Variants in TSHZ1 observed in about 807,000 individuals in gnomAD.
The protein encoded by TSHZ1 is teashirt zinc finger homeobox 1.
In TSHZ1, 12 loss-of-function variants were observed where a neutral mutation model predicts 67.1. The observed-to-expected ratio is 0.18, with a 90% CI of 0.11 to 0.29. The LOEUF is 0.29. TSHZ1 is among the 10% of genes least tolerant of loss of function. The pLI, the probability that TSHZ1 is intolerant of heterozygous loss-of-function variation, is 1.00. For synonymous variants in TSHZ1, 632 were observed against 622.4 expected (o/e 1.02, Z -0.23); for missense variants, 1,305 against 1,413.9 (o/e 0.92, Z 1.23).
At chr18:75,262,513 A>C (rs570393621) in intron 1 of TSHZ1, among the ~76,000 whole-genome samples, 16 of 152,346 alleles carry the variant, frequency 1.1e-4, no homozygotes, top group Non-Finnish European at 1.8e-4. Context: ...GTAAATCGTC[A>C]ATTGGCCTCT....
chr18:75,245,606 T>G (rs1225532786), intron 1 of TSHZ1, among the ~76,000 whole-genome samples: 1 of 152,168 alleles, frequency 6.6e-6, no homozygotes, highest in Non-Finnish European at 1.5e-5. Context: ...ACTGCCAGAT[T>G]TTTAGTTTCT....
At chr18:75,252,965 G>C (rs1432866759) in intron 1 of TSHZ1, among the ~76,000 whole-genome samples, 1 of 151,726 alleles carries the variant, frequency 6.6e-6, no homozygotes, top group East Asian at 1.9e-4. Context: ...TCACACCTTG[G>C]GTAATTTGAC....
rs78626781 is a variant in TSHZ1 at position 75,287,756 on chromosome 18, C to T, written c.2349C>T (p.Asp783=). The change falls in exon 2 of 2, where the codon GAC becomes GAT. Residue 783 remains aspartate, a synonymous_variant. Coordinates refer to ENST00000580243, the MANE Select transcript of TSHZ1 (RefSeq NM_001308210.2). The surrounding 1 kb of genome is among the most constrained non-coding windows in gnomAD (Gnocchi z 5.0). ...ACAAGATCAGCAACAGCATGCTGGA[C>T]AAGCCGGTGTACCCCGCCACCCCTG... The part of the protein sequence containing the change: ...MLYKISNSML[D]KPVYPATPVK... 2 of 1,608,904 alleles carry T rather than the reference C, an allele frequency of 1.2e-6. No individual in the cohort carries two copies. The highest frequency in any genetic ancestry group is 1.7e-6 in the Non-Finnish European group (2 of 1,178,650).
At chr18:75,278,621 A>G (rs921931602) in intron 1 of TSHZ1, among the ~76,000 whole-genome samples, 7 of 151,884 alleles carry the variant, frequency 4.6e-5, no homozygotes, top group African/African-American at 1.7e-4. Context: ...CGCACCGTGA[A>G]AGACCGGGGG....
At chr18:75,236,058 C>A (rs907760408) in intron 1 of TSHZ1, among the ~76,000 whole-genome samples, 1 of 151,944 alleles carries the variant, frequency 6.6e-6, no homozygotes, top group Non-Finnish European at 1.5e-5. Context: ...AGGAAGCATG[C>A]GTGACAGGAA....
In TSHZ1 at chr18:75,281,828, G is replaced by A. The variant is rs559477613; in HGVS notation, c.41-3620G>A. On this transcript the variant is annotated intron_variant, in intron 1 of 1. Transcript: ENST00000580243. This position sits in a 1 kb window ranked among gnomAD's most constrained non-coding sequence, Gnocchi z 5.3. ...TCTGGAAGGGGGGCATGCTAGGTGC[G>A]GGCAGGGAGAGCCCGAACCTGTGGG... Among the ~76,000 whole-genome samples the A allele has an allele frequency of 2.0e-5, 3 of 152,192 alleles. No homozygotes were observed. The highest frequency in any genetic ancestry group is 3.9e-4 in the East Asian group (2 of 5,156).
intron 1 of TSHZ1, among the ~76,000 whole-genome samples, chr18:75,246,436 G>GTGTGTGTGTGTGTGTGTA: frequency 6.6e-6 from 1 of 150,750 alleles, no homozygotes; most frequent in South Asian, 2.1e-4. Context: ...GTGTGTGTGT[G>GTGTGTGTGTGTGTGTGTA]TGTGTGTGTC....
Position 75,288,091 on chromosome 18 carries a change from A to G in TSHZ1, c.2684A>G (p.Gln895Arg), listed in dbSNP as rs1252084475. 3 of 1,613,500 alleles carry G rather than the reference A, an allele frequency of 1.9e-6. No individual in the cohort carries two copies. The East Asian group carries it at 6.7e-5, about 36-fold the overall frequency. ...RKGRQSNWNPQHLLILQAQFA... is the reference protein window; with the variant it reads ...RKGRQSNWNPRHLLILQAQFA... Reference sequence around the variant, plus strand: ...GGCCGGCAGTCCAACTGGAACCCGCAGCACCTTCTCATCCTGCAGGCCCAG... The same window carrying G: ...GGCCGGCAGTCCAACTGGAACCCGCGGCACCTTCTCATCCTGCAGGCCCAG... Residue 895 changes from glutamine to arginine, a missense_variant, in exon 2 of 2, where the codon CAG (glutamine) becomes CGG (arginine). This residue lies in a region of TSHZ1 where 909 missense variants were observed against 961.8 expected (regional missense o/e 0.95). Transcript: ENST00000580243. This position sits in a 1 kb window ranked among gnomAD's most constrained non-coding sequence, Gnocchi z 4.9.
intron 1 of TSHZ1, among the ~76,000 whole-genome samples, chr18:75,257,642 G>T (rs2023377339): frequency 6.6e-6 from 1 of 151,914 alleles, no homozygotes; most frequent in Non-Finnish European, 1.5e-5. Context: ...GCTGGTGTCT[G>T]CAGATGAACT....
chr18:75,278,354 G>A lies in TSHZ1; in HGVS notation c.41-7094G>A, dbSNP rs545318726. Among the ~76,000 whole-genome samples, 3 of 152,318 alleles carry A rather than the reference G, an allele frequency of 2.0e-5. No homozygotes were observed. The East Asian group carries it at 5.8e-4, about 29-fold the overall frequency. ...CAAGCACTCCTTCCTTGCCTAGTAC[G>A]GAGGCCAAGGTGCTGGGTTGCTCCT... On this transcript the variant is annotated intron_variant, in intron 1 of 1. Transcript: ENST00000580243.
At chr18:75,269,783 C>T (rs2023535560) in intron 1 of TSHZ1, among the ~76,000 whole-genome samples, 1 of 152,160 alleles carries the variant, frequency 6.6e-6, no homozygotes, top group African/African-American at 2.4e-5. Context: ...AACTGAAACT[C>T]GGTACCCATT....
In TSHZ1 at chr18:75,288,425, T is replaced by C. The variant is rs755831174; in HGVS notation, c.3018T>C (p.Asn1006=). The change falls in exon 2 of 2, where the codon AAT becomes AAC. Residue 1006 remains asparagine (N), a synonymous_variant. Transcript: ENST00000580243. This position sits in a 1 kb window ranked among gnomAD's most constrained non-coding sequence, Gnocchi z 4.9. ...SLKDLSKLPL[N]QIQEQQNVSK... ...AGGATCTCTCCAAGCTGCCACTCAATCAGATTCAAGAACAGCAGAATGTTT... is the reference window on the plus strand; with the variant it reads ...AGGATCTCTCCAAGCTGCCACTCAACCAGATTCAAGAACAGCAGAATGTTT... 1.2e-6 allele frequency: 2 copies of C among 1,614,172 alleles called. No homozygotes were observed. The highest frequency in any genetic ancestry group is 4.5e-5 in the East Asian group (2 of 44,876).
At chr18:75,264,442 A>G (rs892260980) in intron 1 of TSHZ1, among the ~76,000 whole-genome samples, 6 of 150,724 alleles carry the variant, frequency 4.0e-5, no homozygotes, top group African/African-American at 1.5e-4. Flanking sequence ...CTGTTCATCA[A>G]CCTCATGCTT....
chr18:75,276,431 A>C (rs965562104), intron 1 of TSHZ1, among the ~76,000 whole-genome samples: 2 of 152,144 alleles, frequency 1.3e-5, no homozygotes, highest in Non-Finnish European at 2.9e-5. Flanking sequence ...CCTGATGAGG[A>C]AGGGCCACAC....
chr18:75,247,838 A>G (rs1246571100), intron 1 of TSHZ1, among the ~76,000 whole-genome samples: 1 of 146,350 alleles, frequency 6.8e-6, no homozygotes, highest in Admixed American at 6.8e-5. Flanking sequence ...TTGTTGCTGT[A>G]TTTATTTGAA....
Position 75,211,083 on chromosome 18 carries a change from GTGTT to G in TSHZ1, c.-791_-788del, listed in dbSNP as rs2022674418. ...CCGGCCAAAAATCCATGATCAAAATGTGTTTGCATTAGATTTCGCATTGGAAGAA... is the reference window on the plus strand; with the variant it reads ...CCGGCCAAAAATCCATGATCAAAATGTGCATTAGATTTCGCATTGGAAGAA... On this transcript the variant is annotated 5_prime_UTR_variant, in exon 1 of 2. The change creates a premature stop within an existing upstream ORF in the 5' untranslated region. Coordinates refer to ENST00000580243, the MANE Select transcript of TSHZ1 (RefSeq NM_001308210.2). The G allele has an allele frequency of 6.6e-6, 1 of 151,618 alleles. No individual in the cohort carries two copies. Among genetic ancestry groups the G allele is most frequent in the East Asian group, 1.9e-4 (1 of 5,134 alleles). 9.4% of individuals were successfully genotyped at this position (151,618 alleles called of 1,614,324 possible). A position where few individuals can be genotyped will look rare whatever the true frequency, so the allele number is the denominator to read the frequency against.
chr18:75,246,511 A>G (rs1255483108), intron 1 of TSHZ1, among the ~76,000 whole-genome samples: 1 of 151,586 alleles, frequency 6.6e-6, no homozygotes, highest in Non-Finnish European at 1.5e-5. Flanking sequence ...CCCAGTGCAG[A>G]ACTCTTGATC....
intron 1 of TSHZ1, chr18:75,280,673 A>T: frequency 2.3e-6 from 2 of 863,034 alleles, no homozygotes; most frequent in Non-Finnish European, 2.8e-6. Flanking sequence ...CCTGTGGAAA[A>T]GGTGTTTCAG....
chr18:75,276,233 G>A (rs1460602384), intron 1 of TSHZ1, among the ~76,000 whole-genome samples: 1 of 151,700 alleles, frequency 6.6e-6, no homozygotes, highest in Admixed American at 6.6e-5. Context: ...TTAGAATTGG[G>A]AAAAGCCATT....
Sources: allele counts gnomAD v4.1 joint callset (sites outside exome capture counted in the v4.1 genomes callset), GRCh38; gene constraint gnomAD v4.1.1; regional missense constraint gnomAD v4.1.1; non-coding constraint Gnocchi (gnomAD v3.1); transcripts MANE v1.5; gene names NCBI Gene and HGNC (gene_info 2026-07-23, HGNC 2026-07-21).